Variants in ITGB5 observed in about 807,000 individuals in gnomAD.
ITGB5 encodes the protein integrin subunit beta 5, also known as integrin beta-5.
Under a neutral mutation model 84.8 loss-of-function variants are expected in ITGB5, and 38 were observed. That is an observed-to-expected ratio of 0.45 (90% CI 0.35 to 0.59). The LOEUF is 0.59. ITGB5 is among the 20% of genes least tolerant of loss of function. The pLI is 0.01. For synonymous variants in ITGB5, 393 were observed against 414.4 expected (o/e 0.95, Z 0.63); for missense variants, 905 against 1,034.5 (o/e 0.87, Z 1.72).
chr3:124,798,891 C>T (rs2064274983), intron 9 of ITGB5, among the ~76,000 whole-genome samples: 1 of 152,160 alleles, frequency 6.6e-6, no homozygotes, highest in South Asian at 2.1e-4. Flanking sequence ...GAGGATAGAT[C>T]CTGCTCTATA....
chr3:124,887,049 G>A lies in ITGB5; in HGVS notation c.-49C>T, dbSNP rs1181546691. ...GGCGCGGTCGCTGCACTCCGCGGGGGCCGGCGGCCGGGGCTGGGGCCGGAG... is the reference window on the plus strand; with the variant it reads ...GGCGCGGTCGCTGCACTCCGCGGGGACCGGCGGCCGGGGCTGGGGCCGGAG... On this transcript the variant is annotated 5_prime_UTR_variant, in exon 1 of 15. Transcript: ENST00000296181. The A allele has an allele frequency of 3.3e-6, 3 of 916,914 alleles. No individual in the cohort carries two copies. Among genetic ancestry groups the A allele is most frequent in the Non-Finnish European group, 4.0e-6 (3 of 755,362 alleles). 56.8% of individuals were successfully genotyped at this position (916,914 alleles called of 1,614,324 possible).
intron 5 of ITGB5, among the ~76,000 whole-genome samples, chr3:124,834,971 T>A (rs1044322691): frequency 2.6e-5 from 4 of 152,084 alleles, no homozygotes; most frequent in Non-Finnish European, 5.9e-5. Flanking sequence ...AAATAAAAAA[T>A]TGACATTCTC....
chr3:124,853,242 A>G (rs1402924653), intron 3 of ITGB5, among the ~76,000 whole-genome samples: 1 of 152,228 alleles, frequency 6.6e-6, no homozygotes, highest in African/African-American at 2.4e-5. Flanking sequence ...CAGGACTACA[A>G]CTGAACAGAA....
At chr3:124,882,550 G>T (rs1350208824) in intron 1 of ITGB5, among the ~76,000 whole-genome samples, 1 of 152,114 alleles carries the variant, frequency 6.6e-6, no homozygotes, top group Non-Finnish European at 1.5e-5. Context: ...GGAGGCCCAT[G>T]CTGCTGGAGC....
intron 2 of ITGB5, among the ~76,000 whole-genome samples, chr3:124,871,749 C>T (rs560749644): frequency 6.6e-6 from 1 of 151,882 alleles, no homozygotes; most frequent in Non-Finnish European, 1.5e-5. Context: ...CTGCTTGAGC[C>T]CAGGAGATGG....
intron 10 of ITGB5, chr3:124,781,262 G>C (rs1216053407): frequency 6.6e-6 from 1 of 152,224 alleles, no homozygotes; most frequent in African/African-American, 2.4e-5. Context: ...TCTGTCTGGG[G>C]CTTTGAAGAT....
At chr3:124,798,816 C>T (rs564129008) in intron 9 of ITGB5, among the ~76,000 whole-genome samples, 2 of 152,310 alleles carry the variant, frequency 1.3e-5, no homozygotes, top group East Asian at 3.9e-4. Context: ...TTCTAAAAGG[C>T]CTCCCCTCAG....
intron 1 of ITGB5, among the ~76,000 whole-genome samples, chr3:124,882,227 C>T (rs1934605247): frequency 1.3e-5 from 2 of 152,144 alleles, no homozygotes; most frequent in African/African-American, 2.4e-5. Context: ...CCCTTATTCA[C>T]GGAGCTCACA....
intron 9 of ITGB5, among the ~76,000 whole-genome samples, chr3:124,797,906 G>T (rs186070050): frequency 2.6e-5 from 4 of 151,926 alleles, no homozygotes; most frequent in African/African-American, 9.7e-5. Flanking sequence ...ACAGAGGCCC[G>T]GCCCACCCCA....
chr3:124,806,555 T>TCCCGAGTAGCTGGGACTACAGGTA (rs1297820177), intron 9 of ITGB5, among the ~76,000 whole-genome samples: 5 of 147,580 alleles, frequency 3.4e-5, no homozygotes, highest in African/African-American at 1.2e-4. Context: ...TGCCTCAGCC[T>TCCCGAGTAGCTGGGACTACAGGTA]CCCGAGTAGC....
At chr3:124,888,481 T>C (rs1429382384), upstream of ITGB5, among the ~76,000 whole-genome samples, 1 of 151,218 alleles carries the variant, frequency 6.6e-6, no homozygotes, top group African/African-American at 2.4e-5. Flanking sequence ...TAGAGTGGAG[T>C]GGTTGATAGG....
At chr3:124,767,747 C>T (rs778731002) in intron 12 of ITGB5, among the ~76,000 whole-genome samples, 5 of 152,152 alleles carry the variant, frequency 3.3e-5, no homozygotes, top group African/African-American at 7.2e-5. Flanking sequence ...AGGCGCTCAA[C>T]GAATATGTGC....
At chr3:124,824,633 A>T (rs2064756467) in intron 5 of ITGB5, among the ~76,000 whole-genome samples, 2 of 152,232 alleles carry the variant, frequency 1.3e-5, no homozygotes, top group South Asian at 4.1e-4. Flanking sequence ...AAAAAATTAA[A>T]ATCTGATAAA....
chr3:124,837,987 C>G (rs2064959333), intron 5 of ITGB5, among the ~76,000 whole-genome samples: 1 of 152,100 alleles, frequency 6.6e-6, no homozygotes, highest in Non-Finnish European at 1.5e-5. Flanking sequence ...AGTGGAAGGG[C>G]CTTTAATCTG....
chr3:124,776,534 T>C (rs2063929076), intron 10 of ITGB5, among the ~76,000 whole-genome samples: 1 of 152,180 alleles, frequency 6.6e-6, no homozygotes, highest in African/African-American at 2.4e-5. Flanking sequence ...ACATGTGACA[T>C]GCTGCTTGAC....
At chr3:124,834,377 C>A (rs1292272455) in intron 5 of ITGB5, among the ~76,000 whole-genome samples, 1 of 147,648 alleles carries the variant, frequency 6.8e-6, no homozygotes, top group Non-Finnish European at 1.5e-5. Context: ...TGCTATGAAC[C>A]TAAAACTGCT....
chr3:124,887,881 C>A, upstream of ITGB5: 3 of 244,564 alleles, frequency 1.2e-5, no homozygotes, highest in South Asian at 3.8e-5. Context: ...CGTGGTGGGG[C>A]GTGGAGGCAC....
At chr3:124,817,731 A>G in intron 7 of ITGB5, 21 bp from the exon 8 acceptor site, 1 of 1,442,996 alleles carries the variant, frequency 6.9e-7, no homozygotes. Context: ...AAAGTAAAGA[A>G]AAGAAATAAG....
intron 5 of ITGB5, among the ~76,000 whole-genome samples, chr3:124,838,630 C>T (rs1400099443): frequency 2.6e-5 from 4 of 151,586 alleles, no homozygotes; most frequent in African/African-American, 7.3e-5. Context: ...GAGACAGAGT[C>T]TTGCTCTGTT....
Sources: allele counts gnomAD v4.1 joint callset (sites outside exome capture counted in the v4.1 genomes callset), GRCh38; gene constraint gnomAD v4.1.1; transcripts MANE v1.5; gene names NCBI Gene and HGNC (gene_info 2026-07-23, HGNC 2026-07-21).